ADARB2: variants seen among roughly 807,000 people sequenced by gnomAD.
The protein encoded by ADARB2 is inactive double-stranded RNA-specific editase B2.
ADARB2 carries 25 observed loss-of-function variants against 62.2 expected under a neutral mutation model. That is an observed-to-expected ratio of 0.40 (90% CI 0.29 to 0.56). The LOEUF is 0.56. Ranked by LOEUF, ADARB2 falls within the 20% of genes least tolerant of loss-of-function variation. The probability of loss-of-function intolerance (pLI) is 0.43; values close to 1 mark genes in which losing one functional copy is unlikely to be tolerated. For missense variants in ADARB2, 1,071 were observed against 1,077.4 expected (o/e 0.99, Z 0.08); for synonymous variants, 572 against 500.8 (o/e 1.14, Z -1.90).
intron 1 of ADARB2, among the ~76,000 whole-genome samples, chr10:1,568,073 G>A (rs1446711556): frequency 6.6e-6 from 1 of 152,220 alleles, no homozygotes; most frequent in Non-Finnish European, 1.5e-5. Context: ...AAACACAACT[G>A]AAGAATACTG....
chr10:1,640,012 G>A (rs181683153), intron 1 of ADARB2, among the ~76,000 whole-genome samples: 13 of 152,276 alleles, frequency 8.5e-5, no homozygotes, highest in Admixed American at 6.5e-4. Context: ...GGGTGTTGGC[G>A]GGAAGATCTG....
At chr10:1,517,091 T>C (rs775843907) in intron 1 of ADARB2, among the ~76,000 whole-genome samples, 1 of 152,184 alleles carries the variant, frequency 6.6e-6, no homozygotes, top group Non-Finnish European at 1.5e-5. Context: ...GGATTTCCAT[T>C]AGAAAATTTC....
chr10:1,689,565 A>C (rs906332264), intron 1 of ADARB2, among the ~76,000 whole-genome samples: 3 of 152,262 alleles, frequency 2.0e-5, no homozygotes, highest in Middle Eastern at 3.4e-3. Flanking sequence ...TACCCTCAAC[A>C]ACACTTCCTA....
intron 1 of ADARB2, among the ~76,000 whole-genome samples, chr10:1,381,180 AC>A (rs1832479767): frequency 6.6e-6 from 1 of 151,158 alleles, no homozygotes; most frequent in Admixed American, 6.6e-5. Flanking sequence ...ATATACACAC[AC>A]ACACACACAC....
rs1409148861 is a variant in ADARB2, at chr10:1,563,533, C to A, written c.100+173518G>T. ...GAAATTTTGTTGAATGAATATAAGG[C>A]CACTACTATAATCGCGCCAGTTTAT... is the stretch of plus-strand genomic sequence containing the variant. On this transcript the variant is annotated intron_variant, in intron 1 of 9. Transcript: ENST00000381312. 3.3e-5 allele frequency among the ~76,000 whole-genome samples: 5 copies of A among 152,148 alleles called. No homozygotes were observed. In the East Asian group the frequency reaches 7.7e-4, roughly 23 times the overall value.
At chr10:1,731,110 G>A (rs79479786) in intron 1 of ADARB2, among the ~76,000 whole-genome samples, 1 of 152,184 alleles carries the variant, frequency 6.6e-6, no homozygotes, top group East Asian at 1.9e-4. Flanking sequence ...AATTTTAGGG[G>A]CTGGAGGGAG....
intron 1 of ADARB2, among the ~76,000 whole-genome samples, chr10:1,468,215 C>A (rs778611537): frequency 2.0e-5 from 3 of 152,128 alleles, no homozygotes; most frequent in Non-Finnish European, 4.4e-5. Context: ...TAAAACCCAG[C>A]CAAGCCCGGT....
chr10:1,319,467 A>C (rs1564255974), intron 3 of ADARB2, among the ~76,000 whole-genome samples: 1 of 152,108 alleles, frequency 6.6e-6, no homozygotes, highest in Non-Finnish European at 1.5e-5. Context: ...TGTATCAAAA[A>C]CCCTCCATCA....
chr10:1,234,377 C>T (rs575219269), intron 5 of ADARB2, among the ~76,000 whole-genome samples: 45 of 152,260 alleles, frequency 3.0e-4, no homozygotes, highest in Admixed American at 7.8e-4. Context: ...TACGTGAATG[C>T]GAACATGACT....
At chr10:1,519,243 T>C (rs1241336676) in intron 1 of ADARB2, among the ~76,000 whole-genome samples, 11 of 149,494 alleles carry the variant, frequency 7.4e-5, no homozygotes, top group African/African-American at 2.7e-4. Context: ...CATGCATGCA[T>C]TCCATGTAAC....
In ADARB2 at chr10:1,178,895, G is replaced by A. The variant is rs1836625428; in HGVS notation, c.*4298C>T. 2 of 152,172 alleles carry A rather than the reference G, an allele frequency of 1.3e-5. No individual in the cohort carries two copies. The highest frequency in any genetic ancestry group is 1.3e-4 in the Admixed American group (2 of 15,284). 9.4% of individuals were successfully genotyped at this position (152,172 alleles called of 1,614,324 possible). A position where few individuals can be genotyped will look rare whatever the true frequency, so the allele number is the denominator to read the frequency against. On this transcript the variant is annotated 3_prime_UTR_variant, in exon 10 of 10. Transcript: ENST00000381312. Reference sequence around the variant, plus strand: ...GAGAGGCGGCTGCAGCGATCCAACGGTAGTACATAAAAGGAAAGCCTCTCA... The same window carrying A: ...GAGAGGCGGCTGCAGCGATCCAACGATAGTACATAAAAGGAAAGCCTCTCA...
At chr10:1,484,709 C>T (rs1467283675) in intron 1 of ADARB2, among the ~76,000 whole-genome samples, 2 of 152,010 alleles carry the variant, frequency 1.3e-5, no homozygotes, top group Non-Finnish European at 2.9e-5. Context: ...TGTGTAAGTG[C>T]GTGTGTCTGT....
chr10:1,183,044 T>C lies in ADARB2; in HGVS notation c.*149A>G. ...AGAGGCACGTTCTGAATTTGTGTTGTTGCTCGTCCAAACATTGCACACTCG... is the reference window on the plus strand; with the variant it reads ...AGAGGCACGTTCTGAATTTGTGTTGCTGCTCGTCCAAACATTGCACACTCG... On this transcript the variant is annotated 3_prime_UTR_variant, in exon 10 of 10. Transcript: ENST00000381312. 1.1e-6 allele frequency: 1 copy of C among 889,038 alleles called. No individual in the cohort carries two copies. The allele number at this position is 889,038 out of a possible 1,614,324, so 55.1% of individuals were successfully genotyped here.
At chr10:1,427,486 T>C (rs1371677259) in intron 1 of ADARB2, among the ~76,000 whole-genome samples, 3 of 152,262 alleles carry the variant, frequency 2.0e-5, no homozygotes, top group African/African-American at 7.2e-5. Context: ...TTCAATGTCA[T>C]TAGCCATTAA....
rs1240095275 is a variant in ADARB2 at position 1,405,002 on chromosome 10, T to C, written c.101-25842A>G. 3.3e-5 allele frequency among the ~76,000 whole-genome samples: 5 copies of C among 152,298 alleles called. No individual in the cohort carries two copies. The East Asian group carries it at 7.7e-4, about 24-fold the overall frequency. ...AAATCTCAGGTCGATGCCTCCTACA[T>C]ACAATTCCCGGCGCCTGCGTGGAGG... On this transcript the variant is annotated intron_variant, in intron 1 of 9. Coordinates refer to ENST00000381312, the MANE Select transcript of ADARB2 (RefSeq NM_018702.4).
intron 1 of ADARB2, among the ~76,000 whole-genome samples, chr10:1,603,482 C>T (rs562324419): frequency 1.1e-4 from 16 of 152,262 alleles, no homozygotes; most frequent in Non-Finnish European, 2.2e-4. Flanking sequence ...AGGATGTCCC[C>T]TAACCTCCTA....
At chr10:1,386,549 T>C (rs937585955) in intron 1 of ADARB2, among the ~76,000 whole-genome samples, 14 of 151,956 alleles carry the variant, frequency 9.2e-5, no homozygotes, top group African/African-American at 3.4e-4. Context: ...GTTTTCAAAA[T>C]ATGAAATATT....
chr10:1,234,102 A>G (rs188085196), intron 5 of ADARB2, among the ~76,000 whole-genome samples: 8 of 150,584 alleles, frequency 5.3e-5, no homozygotes, highest in Admixed American at 3.3e-4. Flanking sequence ...ATCAAGTGAT[A>G]CTCAGCCTCC....
chr10:1,268,922 C>T (rs1422181960), intron 4 of ADARB2, among the ~76,000 whole-genome samples: 24 of 152,200 alleles, frequency 1.6e-4, no homozygotes, highest in Admixed American at 1.4e-3. Flanking sequence ...CTATTTTCCA[C>T]ATGAAGTTTG....
Sources: allele counts gnomAD v4.1 joint callset (sites outside exome capture counted in the v4.1 genomes callset), GRCh38; gene constraint gnomAD v4.1.1; transcripts MANE v1.5; gene names NCBI Gene and HGNC (gene_info 2026-07-23, HGNC 2026-07-21).